MFSD6: variants seen among roughly 807,000 people sequenced by gnomAD.
MFSD6 encodes the protein major facilitator superfamily domain containing 6.
Under a neutral mutation model 56.3 loss-of-function variants are expected in MFSD6, and 26 were observed. That is an observed-to-expected ratio of 0.46 (90% CI 0.34 to 0.64). The LOEUF (loss-of-function observed/expected upper bound fraction) is 0.64, where lower values mean the gene tolerates loss of function less well. Ranked by LOEUF, MFSD6 falls within the 30% of genes least tolerant of loss-of-function variation. The pLI is 0.01. For missense variants in MFSD6, 750 were observed against 986.2 expected, an observed-to-expected ratio of 0.76 and a Z score of 3.21; for synonymous variants, 331 against 366.9, an observed-to-expected ratio of 0.90 and a Z score of 1.12.
chr2:190,481,457 T>C (rs1688660326), intron 4 of MFSD6, among the ~76,000 whole-genome samples: 1 of 152,350 alleles, frequency 6.6e-6, no homozygotes, highest in East Asian at 1.9e-4. Context: ...TCCCAACATG[T>C]AGACCACTGC....
At position 190,433,781 on chromosome 2, in the gene MFSD6, A is replaced by C. The variant is rs2125043680; in HGVS notation, c.-53-2196A>C. Among the ~76,000 whole-genome samples, 1 of 152,368 alleles carries C rather than the reference A, an allele frequency of 6.6e-6. No homozygotes were observed. Among genetic ancestry groups the C allele is most frequent in the African/African-American group, 2.4e-5 (1 of 41,588 alleles). On this transcript the variant is annotated intron_variant, in intron 2 of 7. Coordinates refer to ENST00000392328, the MANE Select transcript of MFSD6 (RefSeq NM_017694.4). The surrounding 1 kb of genome is among the most constrained non-coding windows in gnomAD (Gnocchi z 4.5). The stretch of plus-strand genomic sequence containing the variant: ...CTAGGAGCTTTGTAGAGATTAAAAA[A>C]TGCTTACAAGTATAATTTTAGAAGG...
rs553611461 is a variant in MFSD6, at chr2:190,414,854, A to C, written c.-175-438A>C. Reference sequence around the variant, plus strand: ...TAACACTTTGGTGTCATTTTTATCGAGTCTTTTTCTAAAATACATTTTATT... The same window carrying C: ...TAACACTTTGGTGTCATTTTTATCGCGTCTTTTTCTAAAATACATTTTATT... On this transcript the variant is annotated intron_variant, in intron 1 of 7. Transcript: ENST00000392328. Among the ~76,000 whole-genome samples the C allele has an allele frequency of 1.4e-4, 22 of 152,308 alleles. No homozygotes were observed. The South Asian group carries it at 4.6e-3, about 32-fold the overall frequency.
rs1687170894 is a variant in MFSD6 at position 190,458,747 on chromosome 2, G to C, written c.1533-11011G>C. On this transcript the variant is annotated intron_variant, in intron 3 of 7. Transcript: ENST00000392328. This position sits in a 1 kb window ranked among gnomAD's most constrained non-coding sequence, Gnocchi z 5.3. The stretch of plus-strand genomic sequence containing the variant: ...TTACCCAGAGAAGCTTAAGTAAAAT[G>C]GGGACTGTATTGTCCAATTGAGAAG... 6.6e-6 allele frequency among the ~76,000 whole-genome samples: 1 copy of C among 152,216 alleles called. No individual in the cohort carries two copies. The highest frequency in any genetic ancestry group is 2.1e-4 in the South Asian group (1 of 4,830).
At chr2:190,477,352 A>C (rs1200043709) in intron 4 of MFSD6, 1 of 983,918 alleles carries the variant, frequency 1.0e-6, no homozygotes. Context: ...GGTATGCTAC[A>C]GTGTGCAGAC....
At chr2:190,475,362 CAAAGTCTCAGGATACA>C (rs1423372716) in intron 4 of MFSD6, among the ~76,000 whole-genome samples, 2 of 152,196 alleles carry the variant, frequency 1.3e-5, no homozygotes, top group Non-Finnish European at 2.9e-5. Context: ...GCAACTTCAG[CAAAGTCTCAGGATACA>C]AAATCAATGT....
At position 190,434,896 on chromosome 2, in the gene MFSD6, A is replaced by G. The variant is rs1686125933; in HGVS notation, c.-53-1081A>G. Among the ~76,000 whole-genome samples the G allele has an allele frequency of 6.6e-6, 1 of 152,182 alleles. No individual in the cohort carries two copies. The highest frequency in any genetic ancestry group is 2.1e-4 in the South Asian group (1 of 4,828). Reference sequence around the variant, plus strand: ...GCACAGCAAGAGCGGGCCAGCAAGCATTATCACATGAGCTCTTCCTCCTGT... The same window carrying G: ...GCACAGCAAGAGCGGGCCAGCAAGCGTTATCACATGAGCTCTTCCTCCTGT... On this transcript the variant is annotated intron_variant, in intron 2 of 7. Transcript: ENST00000392328. The surrounding 1 kb of genome is among the most constrained non-coding windows in gnomAD (Gnocchi z 4.3).
In MFSD6 at chr2:190,462,795, C is replaced by G. The variant is rs972665038; in HGVS notation, c.1533-6963C>G. 6.6e-6 allele frequency among the ~76,000 whole-genome samples: 1 copy of G among 152,146 alleles called. No homozygotes were observed. The highest frequency in any genetic ancestry group is 2.4e-5 in the African/African-American group (1 of 41,424). On this transcript the variant is annotated intron_variant, in intron 3 of 7. Transcript: ENST00000392328. This position sits in a 1 kb window ranked among gnomAD's most constrained non-coding sequence, Gnocchi z 5.7. ...AAAAAGGGAGAGAGATACTGTCAGC[C>G]CTGCTACTTCTAGATAAGCACTTGG...
chr2:190,474,282 T>C (rs1415518209), intron 4 of MFSD6, among the ~76,000 whole-genome samples: 4 of 151,972 alleles, frequency 2.6e-5, no homozygotes, highest in African/African-American at 9.7e-5. Context: ...CAGGAGCTGG[T>C]TTTTTGAAAA....
rs971785670 is a variant in MFSD6, at chr2:190,495,685, A to G, written c.1892-1754A>G. 6.6e-6 allele frequency among the ~76,000 whole-genome samples: 1 copy of G among 152,170 alleles called. No homozygotes were observed. The highest frequency in any genetic ancestry group is 2.4e-5 in the African/African-American group (1 of 41,450). On this transcript the variant is annotated intron_variant, in intron 6 of 7. Transcript: ENST00000392328. This position sits in a 1 kb window ranked among gnomAD's most constrained non-coding sequence, Gnocchi z 4.7. ...ATGAAACAGAATAGAAAACCCATAA[A>G]TAAAGCCAAATACAGCCAACTGATA... is the stretch of plus-strand genomic sequence containing the variant.
At chr2:190,441,628 T>G (rs1481404217) in intron 3 of MFSD6, among the ~76,000 whole-genome samples, 2 of 152,134 alleles carry the variant, frequency 1.3e-5, no homozygotes, top group Non-Finnish European at 2.9e-5. Context: ...AGTACTCAGC[T>G]GAAGACTCTA....
At chr2:190,472,671 T>C (rs1688019193) in intron 4 of MFSD6, among the ~76,000 whole-genome samples, 1 of 152,128 alleles carries the variant, frequency 6.6e-6, no homozygotes, top group African/African-American at 2.4e-5. Flanking sequence ...CTGCAGGATA[T>C]TATCCAGGAG....
Position 190,467,382 on chromosome 2 carries a change from G to A in MFSD6, c.1533-2376G>A, listed in dbSNP as rs1369374394. Among the ~76,000 whole-genome samples the A allele has an allele frequency of 6.6e-6, 1 of 152,188 alleles. No homozygotes were observed. The highest frequency in any genetic ancestry group is 1.9e-4 in the East Asian group (1 of 5,196). ...AATTCCAGCATTTTGGGAGGCCGAG[G>A]TGGGCGGACTACCTGAGGTCAGGAG... On this transcript the variant is annotated intron_variant, in intron 3 of 7. Coordinates refer to ENST00000392328, the MANE Select transcript of MFSD6 (RefSeq NM_017694.4). This position sits in a 1 kb window ranked among gnomAD's most constrained non-coding sequence, Gnocchi z 5.5.
chr2:190,429,597 G>A (rs1215869884), intron 2 of MFSD6, among the ~76,000 whole-genome samples: 2 of 152,112 alleles, frequency 1.3e-5, no homozygotes, highest in Admixed American at 6.5e-5. Context: ...TTACAGGTAT[G>A]AGCTACTGCA....
chr2:190,458,988 T>C lies in MFSD6; in HGVS notation c.1533-10770T>C, dbSNP rs1687183314. On this transcript the variant is annotated intron_variant, in intron 3 of 7. Coordinates refer to ENST00000392328, the MANE Select transcript of MFSD6 (RefSeq NM_017694.4). This position sits in a 1 kb window ranked among gnomAD's most constrained non-coding sequence, Gnocchi z 5.3. The stretch of plus-strand genomic sequence containing the variant: ...GAAGGTAAAACAAGAACATCTGTTG[T>C]ACTGACTGCTCCCAAGTCTGACGTA... Among the ~76,000 whole-genome samples the C allele has an allele frequency of 6.6e-6, 1 of 152,226 alleles. No homozygotes were observed. The highest frequency in any genetic ancestry group is 1.5e-5 in the Non-Finnish European group (1 of 68,044).
At position 190,436,650 on chromosome 2, in the gene MFSD6, T is replaced by C. The variant is rs762231515; in HGVS notation, c.621T>C (p.Asn207=). The change falls in exon 3 of 8, where the codon AAT becomes AAC. Residue 207 remains asparagine, a synonymous_variant. Transcript: ENST00000392328. The surrounding 1 kb of genome is among the most constrained non-coding windows in gnomAD (Gnocchi z 5.3). ...EKRNLLETRL[N]VSDTVTLPTA... ...GAAACCTTTTGGAAACAAGGCTCAA[T>C]GTCTCAGACACCGTTACTTTGCCAA... 4 of 1,614,092 alleles carry C rather than the reference T, an allele frequency of 2.5e-6. No individual in the cohort carries two copies. The African/African-American group carries it at 5.3e-5, about 22-fold the overall frequency.
At chr2:190,452,954 T>C (rs1490699108) in intron 3 of MFSD6, among the ~76,000 whole-genome samples, 6 of 152,232 alleles carry the variant, frequency 3.9e-5, no homozygotes, top group Admixed American at 3.9e-4. Flanking sequence ...ATTGTGCTCA[T>C]TCAATATTTC....
At chr2:190,421,861 G>A (rs1685629349) in intron 2 of MFSD6, among the ~76,000 whole-genome samples, 1 of 152,024 alleles carries the variant, frequency 6.6e-6, no homozygotes, top group African/African-American at 2.4e-5. Flanking sequence ...TCTTGTATCT[G>A]TATTTCTTGA....
Position 190,496,659 on chromosome 2 carries a change from T to C in MFSD6, c.1892-780T>C, listed in dbSNP as rs1057195139. ...GTGTATATATATGTATATGTGTATA[T>C]GTGTGTGTATGTGTGTGTGTATATA... On this transcript the variant is annotated intron_variant, in intron 6 of 7. Coordinates refer to ENST00000392328, the MANE Select transcript of MFSD6 (RefSeq NM_017694.4). This position sits in a 1 kb window ranked among gnomAD's most constrained non-coding sequence, Gnocchi z 4.7. Among the ~76,000 whole-genome samples the C allele has an allele frequency of 2.7e-5, 4 of 148,294 alleles. 1 individual carries two copies. Among genetic ancestry groups the C allele is most frequent in the Non-Finnish European group, 5.9e-5 (4 of 67,810 alleles).
Position 190,489,691 on chromosome 2 carries a change from T to C in MFSD6, c.1793-77T>C. 1 of 1,366,990 alleles carries C rather than the reference T, an allele frequency of 7.3e-7. No individual in the cohort carries two copies. The highest frequency in any genetic ancestry group is 1.0e-6 in the Non-Finnish European group (1 of 989,242). 84.7% of individuals were successfully genotyped at this position (1,366,990 alleles called of 1,614,324 possible). ...GCTGTGCTTCCTTTGCTTTGATCTT[T>C]AGAAAACTGATGGTTTTAGATGAGC... On this transcript the variant is annotated intron_variant, in intron 5 of 7. Coordinates refer to ENST00000392328, the MANE Select transcript of MFSD6 (RefSeq NM_017694.4). The surrounding 1 kb of genome is among the most constrained non-coding windows in gnomAD (Gnocchi z 6.6).
Sources: allele counts gnomAD v4.1 joint callset (sites outside exome capture counted in the v4.1 genomes callset), GRCh38; gene constraint gnomAD v4.1.1; non-coding constraint Gnocchi (gnomAD v3.1); transcripts MANE v1.5; gene names NCBI Gene and HGNC (gene_info 2026-07-23, HGNC 2026-07-21).